The following OVOL2 variants were observed in gnomAD, a reference collection of about 807,000 sequenced individuals.
The protein encoded by OVOL2 is transcription factor Ovo-like 2.
Under a neutral mutation model 18.1 loss-of-function variants are expected in OVOL2, and 13 were observed. The ratio of observed to expected loss-of-function variants is 0.72; its 90% CI spans 0.47 to 1.14. OVOL2 has a LOEUF of 1.14. OVOL2 is among the 50% of genes most tolerant of loss of function. The pLI, the probability that OVOL2 is intolerant of heterozygous loss-of-function variation, is 0.00. For missense variants in OVOL2, 335 were observed against 383.0 expected (o/e 0.87, Z 1.05); for synonymous variants, 166 against 162.7 (o/e 1.02, Z -0.16).
At chr20:18,031,465 T>C (rs1336145188) in intron 3 of OVOL2, among the ~76,000 whole-genome samples, 6 of 152,144 alleles carry the variant, frequency 3.9e-5, no homozygotes, top group Non-Finnish European at 7.3e-5. Flanking sequence ...TAATCCCAGC[T>C]ACTCGGGAGG....
intron 3 of OVOL2, among the ~76,000 whole-genome samples, chr20:18,035,751 A>C (rs1215061506): frequency 1.3e-5 from 2 of 152,198 alleles, no homozygotes; most frequent in Non-Finnish European, 2.9e-5. Context: ...GGATGGGGTA[A>C]ATAGGTCTAA....
chr20:18,039,623 G>C (rs7262533), intron 3 of OVOL2, among the ~76,000 whole-genome samples: 1 of 120,942 alleles, frequency 8.3e-6, no homozygotes, highest in African/African-American at 3.3e-5. Context: ...AAAAAAAAAA[G>C]AAAGAAAGAA....
intron 3 of OVOL2, among the ~76,000 whole-genome samples, chr20:18,036,304 AAAAC>A (rs775508478): frequency 2.6e-5 from 4 of 152,276 alleles, no homozygotes; most frequent in South Asian, 2.1e-4. Context: ...AAAAAAGAAA[AAAAC>A]AAAAAAATTG....
At chr20:18,039,619 AAAAG>A (rs1317102674) in intron 3 of OVOL2, among the ~76,000 whole-genome samples, 5,950 of 135,646 alleles carry the variant, frequency 0.044, 417 homozygotes, top group African/African-American at 0.14. Flanking sequence ...AAAAAAAAAA[AAAAG>A]AAAGAAAGAA....
chr20:18,048,292 G>GA (rs764268805), intron 2 of OVOL2, among the ~76,000 whole-genome samples: 33 of 150,542 alleles, frequency 2.2e-4, no homozygotes, highest in African/African-American at 7.1e-4. Context: ...CTCAAAAGAA[G>GA]AAAAAAAAAT....
intron 3 of OVOL2, among the ~76,000 whole-genome samples, chr20:18,030,627 C>G (rs1202055870): frequency 1.3e-5 from 2 of 152,196 alleles, no homozygotes; most frequent in African/African-American, 4.8e-5. Flanking sequence ...GATTCCAAAG[C>G]CCTGCATCAT....
chr20:18,039,621 AAG>A lies in OVOL2; in HGVS notation c.511+1911_511+1912del, dbSNP rs1491025583. ...AGACGCTGTCTCAAAAAAAAAAAAA[AAG>A]AAAGAAAGAAAGAAAGAAAAGAAAA... On this transcript the variant is annotated intron_variant, in intron 3 of 3. Coordinates refer to ENST00000278780, the MANE Select transcript of OVOL2 (RefSeq NM_021220.4). Among the ~76,000 whole-genome samples, 17 of 126,804 alleles carry A rather than the reference AAG, an allele frequency of 1.3e-4. 1 individual carries two copies. The highest frequency in any genetic ancestry group is 2.5e-4 in the Admixed American group (3 of 12,194). 83.2% of individuals were successfully genotyped at this position (126,804 alleles called of 152,430 possible). A position where few individuals can be genotyped will look rare whatever the true frequency, so the allele number is the denominator to read the frequency against.
chr20:18,027,626 C>T (rs1244521505), intron 3 of OVOL2, among the ~76,000 whole-genome samples: 1 of 151,888 alleles, frequency 6.6e-6, no homozygotes, highest in Non-Finnish European at 1.5e-5. Flanking sequence ...GACTGAGACT[C>T]GCTCTGTCGC....
intron 2 of OVOL2, among the ~76,000 whole-genome samples, chr20:18,048,008 C>T (rs6045163): frequency 0.14 from 21,600 of 151,934 alleles, 2,467 homozygotes; most frequent in African/African-American, 0.32. Flanking sequence ...TGTTTCTCGG[C>T]CAGATACGGT....
chr20:18,025,426 A>G (rs942294587), intron 3 of OVOL2, among the ~76,000 whole-genome samples: 2 of 152,088 alleles, frequency 1.3e-5, no homozygotes, highest in African/African-American at 4.8e-5. Flanking sequence ...AAAACTAGCC[A>G]GGCATGGTGG....
rs747181191 is a variant in OVOL2 at position 18,024,634 on chromosome 20, C to G, written c.*2G>C. 2 of 1,588,488 alleles carry G rather than the reference C, an allele frequency of 1.3e-6. No individual in the cohort carries two copies. Among genetic ancestry groups the G allele is most frequent in the Middle Eastern group, 1.7e-4 (1 of 5,958 alleles). ...GAACGTCTGTCCTCCCCTTCCTTCT[C>G]CTCACTTCCTCTCCTCCTCCTCACT... On this transcript the variant is annotated 3_prime_UTR_variant, in exon 4 of 4. Coordinates refer to ENST00000278780, the MANE Select transcript of OVOL2 (RefSeq NM_021220.4).
intron 3 of OVOL2, among the ~76,000 whole-genome samples, chr20:18,031,079 G>A (rs2036565534): frequency 6.6e-6 from 1 of 152,190 alleles, no homozygotes; most frequent in African/African-American, 2.4e-5. Context: ...CCGTGCCTGT[G>A]TCTAAAGCAG....
chr20:18,038,641 C>G (rs906147111), intron 3 of OVOL2, among the ~76,000 whole-genome samples: 4 of 152,198 alleles, frequency 2.6e-5, no homozygotes, highest in African/African-American at 9.6e-5. Flanking sequence ...AGCCATGCTT[C>G]CTGGGCCCCC....
At chr20:18,049,133 T>C (rs186393671) in intron 2 of OVOL2, among the ~76,000 whole-genome samples, 1 of 152,348 alleles carries the variant, frequency 6.6e-6, no homozygotes, top group East Asian at 1.9e-4. Context: ...TCCTGTTTTC[T>C]GCAGGATCTC....
At chr20:18,032,191 T>C (rs1182352086) in intron 3 of OVOL2, among the ~76,000 whole-genome samples, 2 of 129,918 alleles carry the variant, frequency 1.5e-5, no homozygotes, top group African/African-American at 5.9e-5. Context: ...TTGCCTGAAA[T>C]GAAAGAAAGG....
intron 2 of OVOL2, among the ~76,000 whole-genome samples, chr20:18,051,023 C>T (rs2036767129): frequency 6.6e-6 from 1 of 152,116 alleles, no homozygotes; most frequent in South Asian, 2.1e-4. Flanking sequence ...TTCCAAATAT[C>T]AAATGAATTG....
chr20:18,025,034 T>C lies in OVOL2; in HGVS notation c.512-82A>G, dbSNP rs925099307. On this transcript the variant is annotated intron_variant, in intron 3 of 3. Coordinates refer to ENST00000278780, the MANE Select transcript of OVOL2 (RefSeq NM_021220.4). ...CCAACTATGAAGCCAGTAAAAGTCA[T>C]GCCATGACCAAGGATTCATGGCAGC... 19 of 1,476,302 alleles carry C rather than the reference T, an allele frequency of 1.3e-5. No individual in the cohort carries two copies. In the East Asian group the frequency reaches 3.4e-4, roughly 27 times the overall value. 91.5% of individuals were successfully genotyped at this position (1,476,302 alleles called of 1,614,324 possible).
intron 3 of OVOL2, among the ~76,000 whole-genome samples, chr20:18,029,212 A>G (rs1158833200): frequency 1.3e-5 from 2 of 152,030 alleles, no homozygotes; most frequent in Non-Finnish European, 2.9e-5. Flanking sequence ...TTTTTTTAGT[A>G]GAGACCGGGT....
intron 2 of OVOL2, among the ~76,000 whole-genome samples, chr20:18,045,366 A>G (rs2036715831): frequency 6.6e-6 from 1 of 152,252 alleles, no homozygotes; most frequent in South Asian, 2.1e-4. Context: ...GTCTTTTGAA[A>G]GTCTTGCAGA....
Sources: gnomAD v4.1 joint callset for allele counts (sites outside exome capture counted in the v4.1 genomes callset) on GRCh38, gnomAD v4.1.1 for gene constraint, MANE v1.5 for transcripts, NCBI Gene and HGNC (gene_info 2026-07-23, HGNC 2026-07-21) for gene names.